GRM8: variants seen among roughly 807,000 people sequenced by gnomAD.
GRM8 encodes metabotropic glutamate receptor 8.
In GRM8, 47 loss-of-function variants were observed where a neutral mutation model predicts 87.2. The observed-to-expected ratio is 0.54, with a 90% CI of 0.43 to 0.69. GRM8 has a LOEUF of 0.69. Ranked by LOEUF, GRM8 falls within the 30% of genes least tolerant of loss-of-function variation. The pLI is 0.00. For synonymous variants in GRM8, 396 were observed against 404.5 expected, an observed-to-expected ratio of 0.98 and a Z score of 0.25; for missense variants, 1,019 against 1,139.2, an observed-to-expected ratio of 0.89 and a Z score of 1.52.
At chr7:126,885,695 C>T (rs1800424070) in intron 6 of GRM8, among the ~76,000 whole-genome samples, 1 of 152,044 alleles carries the variant, frequency 6.6e-6, no homozygotes, top group Admixed American at 6.6e-5. Flanking sequence ...TTAAATGATT[C>T]CATATAACAA....
At chr7:127,173,926 C>T (rs547211690) in intron 2 of GRM8, among the ~76,000 whole-genome samples, 10 of 152,168 alleles carry the variant, frequency 6.6e-5, no homozygotes, top group Non-Finnish European at 1.3e-4. Flanking sequence ...ATCTTCAAGA[C>T]TCTTCTGTAA....
intron 3 of GRM8, among the ~76,000 whole-genome samples, chr7:126,910,046 A>T (rs966166124): frequency 2.6e-5 from 4 of 152,082 alleles, no homozygotes; most frequent in African/African-American, 9.7e-5. Context: ...TGTAAATCTA[A>T]TTGACAGCTA....
At chr7:127,065,403 A>G (rs1821009322) in intron 3 of GRM8, among the ~76,000 whole-genome samples, 2 of 152,232 alleles carry the variant, frequency 1.3e-5, no homozygotes, top group Non-Finnish European at 2.9e-5. Flanking sequence ...TGCAGAAAAT[A>G]TAACTACTGG....
chr7:126,598,059 C>A (rs578058525), intron 8 of GRM8, among the ~76,000 whole-genome samples: 94 of 152,160 alleles, frequency 6.2e-4, no homozygotes, highest in African/African-American at 2.0e-3. Flanking sequence ...ACCTAGCCTT[C>A]TTAATTCCCC....
intron 10 of GRM8, among the ~76,000 whole-genome samples, chr7:126,440,302 C>T (rs751024540): frequency 7.3e-5 from 11 of 149,698 alleles, no homozygotes; most frequent in Non-Finnish European, 1.3e-4. Context: ...ATCCCAATTA[C>T]TCAGGAGGCT....
intron 6 of GRM8, among the ~76,000 whole-genome samples, chr7:126,854,202 T>C (rs1055052536): frequency 1.3e-5 from 2 of 152,240 alleles, no homozygotes; most frequent in Admixed American, 6.5e-5. Context: ...AACAGCCTTT[T>C]CCATGGTTCC....
intron 6 of GRM8, among the ~76,000 whole-genome samples, chr7:126,836,689 C>A (rs1392898624): frequency 6.6e-6 from 1 of 152,172 alleles, no homozygotes; most frequent in East Asian, 1.9e-4. Context: ...TCAGTCATTG[C>A]CTGCCCCACA....
intron 7 of GRM8, among the ~76,000 whole-genome samples, chr7:126,651,597 G>A (rs1243218807): frequency 6.6e-6 from 1 of 152,116 alleles, no homozygotes; most frequent in Non-Finnish European, 1.5e-5. Context: ...GTTCCAGAGG[G>A]AGGAATGCTG....
chr7:126,784,741 GT>G (rs1159142401), intron 6 of GRM8, among the ~76,000 whole-genome samples: 1 of 151,884 alleles, frequency 6.6e-6, no homozygotes, highest in Non-Finnish European at 1.5e-5. Context: ...TATTATTACC[GT>G]TTTTTAGGAA....
intron 6 of GRM8, among the ~76,000 whole-genome samples, chr7:126,773,743 C>T (rs1023731106): frequency 6.6e-6 from 1 of 152,002 alleles, no homozygotes; most frequent in South Asian, 2.1e-4. Context: ...CAGCTGTAAT[C>T]CCAACATTTC....
chr7:126,856,272 C>T (rs1797678352), intron 6 of GRM8, among the ~76,000 whole-genome samples: 1 of 152,070 alleles, frequency 6.6e-6, no homozygotes, highest in Admixed American at 6.6e-5. Flanking sequence ...TTTATTAGCA[C>T]TCTATAAATT....
chr7:126,818,087 A>C (rs1255446732), intron 6 of GRM8, among the ~76,000 whole-genome samples: 2 of 152,264 alleles, frequency 1.3e-5, no homozygotes, highest in East Asian at 3.9e-4. Context: ...TAAACAAAAA[A>C]TTATTAAAGG....
chr7:127,047,610 G>A (rs779751955), intron 3 of GRM8, among the ~76,000 whole-genome samples: 1 of 152,140 alleles, frequency 6.6e-6, no homozygotes, highest in South Asian at 2.1e-4. Context: ...AGGAGTATCA[G>A]ATTGAGCCCA....
intron 2 of GRM8, among the ~76,000 whole-genome samples, chr7:127,176,923 G>A (rs192397992): frequency 2.4e-4 from 36 of 152,272 alleles, no homozygotes; most frequent in Admixed American, 1.0e-3. Flanking sequence ...GTGACCAGAG[G>A]AGCAGGGGAT....
At chr7:126,713,384 G>C (rs566237591) in intron 7 of GRM8, among the ~76,000 whole-genome samples, 2 of 152,194 alleles carry the variant, frequency 1.3e-5, no homozygotes, top group African/African-American at 4.8e-5. Context: ...CTCATAAGTG[G>C]GAGTTGAGCA....
chr7:126,706,187 T>C (rs2151413785), intron 7 of GRM8, among the ~76,000 whole-genome samples: 1 of 152,248 alleles, frequency 6.6e-6, no homozygotes, highest in East Asian at 1.9e-4. Context: ...TAAAAATCTA[T>C]AGTATAGGTG....
chr7:126,984,834 TTC>T (rs558048150), intron 3 of GRM8, among the ~76,000 whole-genome samples: 213 of 152,310 alleles, frequency 1.4e-3, no homozygotes, highest in Admixed American at 3.8e-3. Context: ...AATTGAATAA[TTC>T]TGTTATTTTT....
chr7:126,935,858 C>A (rs551290230), intron 3 of GRM8, among the ~76,000 whole-genome samples: 99 of 152,316 alleles, frequency 6.5e-4, no homozygotes, highest in Non-Finnish European at 1.1e-3. Flanking sequence ...CTCCTCTCAT[C>A]CTAAATAAAC....
At chr7:126,923,695 T>C (rs1804782220) in intron 3 of GRM8, among the ~76,000 whole-genome samples, 1 of 152,132 alleles carries the variant, frequency 6.6e-6, no homozygotes, top group Admixed American at 6.6e-5. Flanking sequence ...CAGAGTTTAG[T>C]GTCCTAGCTA....
Sources: allele counts gnomAD v4.1 joint callset (sites outside exome capture counted in the v4.1 genomes callset), GRCh38; gene constraint gnomAD v4.1.1; transcripts MANE v1.5; gene names NCBI Gene and HGNC (gene_info 2026-07-23, HGNC 2026-07-21).